The following SSBP3 variants were observed in gnomAD, a reference collection of about 807,000 sequenced individuals.
The protein encoded by SSBP3 is single stranded DNA binding protein 3.
SSBP3 carries 5 observed loss-of-function variants against 69.6 expected under a neutral mutation model. The observed-to-expected ratio is 0.07, with a 90% CI of 0.04 to 0.15. The LOEUF (loss-of-function observed/expected upper bound fraction) is 0.15. Among genes scored for constraint, SSBP3 ranks in the 10% least tolerant of loss-of-function variants. The pLI, the probability that SSBP3 is intolerant of heterozygous loss-of-function variation, is 1.00. For missense variants in SSBP3, 312 were observed against 534.0 expected, an observed-to-expected ratio of 0.58 and a Z score of 4.10; for synonymous variants, 196 against 193.4, an observed-to-expected ratio of 1.01 and a Z score of -0.11.
intron 5 of SSBP3, among the ~76,000 whole-genome samples, chr1:54,263,305 C>T (rs940882186): frequency 3.9e-5 from 6 of 152,216 alleles, no homozygotes; most frequent in Admixed American, 1.3e-4. Context: ...TAAGTCCCTG[C>T]ACTTCATCTG....
chr1:54,381,487 T>C (rs968754676), intron 4 of SSBP3, among the ~76,000 whole-genome samples: 3 of 152,120 alleles, frequency 2.0e-5, no homozygotes, highest in African/African-American at 7.2e-5. Flanking sequence ...AACCAATTTT[T>C]AACACATTTT....
chr1:54,291,276 C>T (rs1269192631), intron 4 of SSBP3, among the ~76,000 whole-genome samples: 3 of 152,172 alleles, frequency 2.0e-5, no homozygotes, highest in Admixed American at 2.0e-4. Flanking sequence ...AGTCACTTTC[C>T]CTCACCTCCT....
At chr1:54,254,030 CA>C (rs1644877289) in intron 7 of SSBP3, among the ~76,000 whole-genome samples, 1 of 152,206 alleles carries the variant, frequency 6.6e-6, no homozygotes, top group Non-Finnish European at 1.5e-5. Context: ...CCTCTTCTAT[CA>C]GGGGAAGAAG....
chr1:54,354,952 G>A (rs1646840270), intron 4 of SSBP3, among the ~76,000 whole-genome samples: 1 of 152,210 alleles, frequency 6.6e-6, no homozygotes, highest in African/African-American at 2.4e-5. Flanking sequence ...GAAAAATCAT[G>A]AATGCCTCAT....
chr1:54,335,403 A>G (rs920269651), intron 4 of SSBP3, among the ~76,000 whole-genome samples: 3 of 152,206 alleles, frequency 2.0e-5, no homozygotes, highest in Non-Finnish European at 4.4e-5. Context: ...TAAGTGTGCA[A>G]AGAAAAAGGA....
chr1:54,345,839 C>T (rs1441168252), intron 4 of SSBP3, among the ~76,000 whole-genome samples: 1 of 151,908 alleles, frequency 6.6e-6, no homozygotes, highest in Non-Finnish European at 1.5e-5. Context: ...AACCCTGTCT[C>T]TACCAAAATA....
chr1:54,314,164 T>C (rs1646055485), intron 4 of SSBP3, among the ~76,000 whole-genome samples: 1 of 151,810 alleles, frequency 6.6e-6, no homozygotes, highest in African/African-American at 2.4e-5. Context: ...AGGAGCAGAG[T>C]TGGGGCCAGC....
intron 4 of SSBP3, among the ~76,000 whole-genome samples, chr1:54,386,086 G>A (rs372472070): frequency 9.2e-5 from 14 of 152,330 alleles, no homozygotes; most frequent in African/African-American, 3.1e-4. Flanking sequence ...AAACCATCCA[G>A]AAAGTAGAGA....
chr1:54,239,380 CA>C (rs1644563324), intron 13 of SSBP3, among the ~76,000 whole-genome samples, 181 bp from the exon 14 acceptor site: 1 of 152,182 alleles, frequency 6.6e-6, no homozygotes, highest in Non-Finnish European at 1.5e-5. Context: ...ACAGAAAATT[CA>C]ACTGTGAAAA....
At chr1:54,278,130 C>T (rs1645324173) in intron 5 of SSBP3, among the ~76,000 whole-genome samples, 1 of 152,164 alleles carries the variant, frequency 6.6e-6, no homozygotes, top group South Asian at 2.1e-4. Context: ...TCCTTCCCTG[C>T]TGCAAAACAC....
intron 9 of SSBP3, among the ~76,000 whole-genome samples, chr1:54,245,662 G>C (rs1051759847): frequency 1.2e-4 from 19 of 152,222 alleles, no homozygotes; most frequent in African/African-American, 4.6e-4. Context: ...CGGAGCCAGA[G>C]AAGGCAGGCC....
intron 5 of SSBP3, among the ~76,000 whole-genome samples, chr1:54,259,193 A>G (rs1644975667): frequency 6.6e-6 from 1 of 151,598 alleles, no homozygotes; most frequent in African/African-American, 2.4e-5. Context: ...ACATGGGCAG[A>G]TGAATTCACT....
intron 4 of SSBP3, among the ~76,000 whole-genome samples, chr1:54,338,094 G>A (rs562990554): frequency 2.6e-5 from 4 of 152,140 alleles, no homozygotes; most frequent in South Asian, 2.1e-4. Flanking sequence ...CAACTAAACC[G>A]GAAGTGCTTC....
intron 5 of SSBP3, among the ~76,000 whole-genome samples, chr1:54,265,412 G>T (rs897393586): frequency 6.6e-6 from 1 of 152,110 alleles, no homozygotes; most frequent in Non-Finnish European, 1.5e-5. Flanking sequence ...TAAGTTGCCC[G>T]CCTGCACACC....
chr1:54,412,719 C>A (rs1650023872), intron 1 of SSBP3: 1 of 152,046 alleles, frequency 6.6e-6, no homozygotes, highest in South Asian at 2.1e-4. Flanking sequence ...TATTTTACTG[C>A]AATATTTTTT....
At chr1:54,357,171 G>A (rs1557560699) in intron 4 of SSBP3, among the ~76,000 whole-genome samples, 1 of 152,138 alleles carries the variant, frequency 6.6e-6, no homozygotes, top group Non-Finnish European at 1.5e-5. Context: ...GGAGGGGAAG[G>A]GAGAAAAGGA....
intron 4 of SSBP3, among the ~76,000 whole-genome samples, chr1:54,358,434 C>T (rs1201633727): frequency 1.3e-5 from 2 of 152,210 alleles, no homozygotes. Flanking sequence ...ATCCCAGTGC[C>T]GGCTGACTGG....
At chr1:54,363,666 A>G (rs922431678) in intron 4 of SSBP3, among the ~76,000 whole-genome samples, 5 of 152,222 alleles carry the variant, frequency 3.3e-5, no homozygotes, top group African/African-American at 1.2e-4. Flanking sequence ...TGTAAAAATA[A>G]AAGTCCCCCA....
intron 14 of SSBP3, among the ~76,000 whole-genome samples, chr1:54,232,740 G>A (rs944798213): frequency 2.6e-5 from 4 of 152,066 alleles, no homozygotes; most frequent in African/African-American, 4.8e-5. Context: ...TTGCAGGCAC[G>A]CGCCGCCACG....
Sources: gnomAD v4.1 joint callset for allele counts (sites outside exome capture counted in the v4.1 genomes callset) on GRCh38, gnomAD v4.1.1 for gene constraint, MANE v1.5 for transcripts, NCBI Gene and HGNC (gene_info 2026-07-23, HGNC 2026-07-21) for gene names.